The following ADGRB3 variants were observed in gnomAD, a reference collection of about 807,000 sequenced individuals.
ADGRB3 encodes the protein brain-specific angiogenesis inhibitor 3.
ADGRB3 carries 37 observed loss-of-function variants against 193.4 expected under a neutral mutation model. The ratio of observed to expected loss-of-function variants is 0.19; its 90% CI spans 0.15 to 0.25. The LOEUF (loss-of-function observed/expected upper bound fraction) is 0.25. ADGRB3 is among the 10% of genes least tolerant of loss of function. The pLI is 1.00. For missense variants in ADGRB3, 1,637 were observed against 1,852.9 expected (o/e 0.88, Z 2.14); for synonymous variants, 690 against 644.2 (o/e 1.07, Z -1.08).
intron 17 of ADGRB3, among the ~76,000 whole-genome samples, chr6:69,121,222 T>C (rs1217166736): frequency 1.3e-5 from 2 of 152,114 alleles, no homozygotes; most frequent in Admixed American, 1.3e-4. Context: ...ACGAGCATGC[T>C]GTCTTCAAGC....
intron 19 of ADGRB3, 63 bp downstream of exon 19, chr6:69,235,198 T>G (rs1207850692): frequency 5.7e-6 from 7 of 1,236,146 alleles, no homozygotes; most frequent in Non-Finnish European, 7.0e-6. Flanking sequence ...AATCAAGGAA[T>G]GTGATAATTA....
intron 20 of ADGRB3, among the ~76,000 whole-genome samples, chr6:69,310,083 C>A (rs1417037329): frequency 6.6e-6 from 1 of 151,708 alleles, no homozygotes; most frequent in East Asian, 1.9e-4. Context: ...TTACTTTAAA[C>A]TGTATAATTT....
intron 3 of ADGRB3, among the ~76,000 whole-genome samples, chr6:68,764,810 T>G (rs1440494017): frequency 1.3e-5 from 2 of 152,246 alleles, no homozygotes; most frequent in African/African-American, 4.8e-5. Context: ...TTGAAATGTT[T>G]CAACATGGTG....
At chr6:69,186,559 A>AT (rs1038235227) in intron 17 of ADGRB3, among the ~76,000 whole-genome samples, 2 of 152,012 alleles carry the variant, frequency 1.3e-5, no homozygotes, top group African/African-American at 2.4e-5. Context: ...GAAAAAAAAA[A>AT]GAAGAAGAAA....
intron 17 of ADGRB3, among the ~76,000 whole-genome samples, chr6:69,129,516 T>G (rs530782978): frequency 6.6e-6 from 1 of 152,232 alleles, no homozygotes; most frequent in African/African-American, 2.4e-5. Flanking sequence ...GAAGAGGGTG[T>G]TACATAGAAA....
At chr6:68,666,980 A>G (rs998341326) in intron 3 of ADGRB3, among the ~76,000 whole-genome samples, 1 of 151,796 alleles carries the variant, frequency 6.6e-6, no homozygotes, top group Non-Finnish European at 1.5e-5. Flanking sequence ...TATTCTTAGT[A>G]TTAATAATAC....
intron 17 of ADGRB3, among the ~76,000 whole-genome samples, chr6:69,155,923 C>A (rs1041390076): frequency 5.3e-5 from 8 of 152,042 alleles, no homozygotes; most frequent in Middle Eastern, 3.2e-3. Context: ...ACTGATACAG[C>A]AATATGACTG....
intron 15 of ADGRB3, 132 bp downstream of exon 15, chr6:69,049,478 C>G: frequency 1.6e-6 from 1 of 616,680 alleles, no homozygotes; most frequent in African/African-American, 1.9e-5. Context: ...ATAGAAAATA[C>G]AAATTTAATG....
chr6:68,909,326 T>C (rs1766635316), intron 3 of ADGRB3, among the ~76,000 whole-genome samples: 1 of 152,196 alleles, frequency 6.6e-6, no homozygotes, highest in African/African-American at 2.4e-5. Context: ...TGCCTGTGTG[T>C]ATTTACTTTT....
At chr6:68,774,933 T>C (rs1313776210) in intron 3 of ADGRB3, among the ~76,000 whole-genome samples, 2 of 152,090 alleles carry the variant, frequency 1.3e-5, no homozygotes, top group African/African-American at 2.4e-5. Context: ...GCTTTCGTCC[T>C]GCAAGGTTTT....
At chr6:69,252,102 T>C (rs1430747384) in intron 20 of ADGRB3, among the ~76,000 whole-genome samples, 2 of 152,124 alleles carry the variant, frequency 1.3e-5, no homozygotes, top group Admixed American at 1.3e-4. Flanking sequence ...CTGATTCCTG[T>C]CATCGTGAAT....
chr6:69,309,455 G>A (rs1768135531), intron 20 of ADGRB3, among the ~76,000 whole-genome samples: 1 of 151,658 alleles, frequency 6.6e-6, no homozygotes, highest in African/African-American at 2.4e-5. Context: ...TTTATTACAA[G>A]GGAATATTTC....
chr6:68,643,508 T>A (rs1327380105), intron 3 of ADGRB3, among the ~76,000 whole-genome samples: 1 of 140,676 alleles, frequency 7.1e-6, no homozygotes, highest in Non-Finnish European at 1.5e-5. Context: ...GCAGAACGAT[T>A]TACTGAATCT....
At chr6:69,345,430 T>C (rs1157084668) in intron 26 of ADGRB3, among the ~76,000 whole-genome samples, 2 of 152,172 alleles carry the variant, frequency 1.3e-5, no homozygotes, top group South Asian at 2.1e-4. Context: ...ATCCCTGGGA[T>C]GCAAGTCTGG....
intron 15 of ADGRB3, among the ~76,000 whole-genome samples, chr6:69,051,957 C>T (rs1011510737): frequency 2.0e-5 from 3 of 152,254 alleles, no homozygotes; most frequent in South Asian, 2.1e-4. Flanking sequence ...TGCAGTGGCG[C>T]GATCTCCGCT....
At chr6:69,047,052 G>T (rs1771257626) in intron 13 of ADGRB3, among the ~76,000 whole-genome samples, 2 of 152,032 alleles carry the variant, frequency 1.3e-5, no homozygotes, top group African/African-American at 2.4e-5. Flanking sequence ...GTAGAGATGG[G>T]GTTTCACCAT....
At chr6:68,713,682 T>C (rs1247256562) in intron 3 of ADGRB3, among the ~76,000 whole-genome samples, 1 of 151,534 alleles carries the variant, frequency 6.6e-6, no homozygotes, top group Non-Finnish European at 1.5e-5. Flanking sequence ...ACCTCCCATC[T>C]AGTATCTTTT....
At chr6:69,255,677 C>A (rs887466292) in intron 20 of ADGRB3, among the ~76,000 whole-genome samples, 7 of 152,206 alleles carry the variant, frequency 4.6e-5, no homozygotes, top group African/African-American at 1.7e-4. Flanking sequence ...ATGGTAGTTT[C>A]TTTTGCTGTG....
chr6:68,826,935 A>T (rs1348568114), intron 3 of ADGRB3, among the ~76,000 whole-genome samples: 1 of 152,160 alleles, frequency 6.6e-6, no homozygotes, highest in Non-Finnish European at 1.5e-5. Flanking sequence ...CAGTTTGGAG[A>T]TGCCTATTAA....
Sources: allele counts gnomAD v4.1 joint callset (sites outside exome capture counted in the v4.1 genomes callset), GRCh38; gene constraint gnomAD v4.1.1; transcripts MANE v1.5; gene names NCBI Gene and HGNC (gene_info 2026-07-23, HGNC 2026-07-21).